Variants in WWC2 observed in about 807,000 individuals in gnomAD.
WWC2 encodes the protein WW and C2 domain containing 2.
A neutral mutation model predicts 138.5 loss-of-function variants in WWC2; 101 were observed. That is an observed-to-expected ratio of 0.73 (90% CI 0.62 to 0.86). The LOEUF (loss-of-function observed/expected upper bound fraction) is 0.86, where lower values mean the gene tolerates loss of function less well. Among genes scored for constraint, WWC2 ranks in the 40% least tolerant of loss-of-function variants. The pLI is 0.00. For missense variants in WWC2, 1,420 were observed against 1,419.4 expected (o/e 1.00, Z -0.01); for synonymous variants, 558 against 538.4 (o/e 1.04, Z -0.50).
intron 4 of WWC2, among the ~76,000 whole-genome samples, chr4:183,209,769 T>C: frequency 6.6e-6 from 1 of 152,232 alleles, no homozygotes; most frequent in Non-Finnish European, 1.5e-5. Flanking sequence ...TGAATCTTTT[T>C]AACTAAACTG....
chr4:183,209,616 G>A (rs1735542722), intron 4 of WWC2, among the ~76,000 whole-genome samples: 1 of 152,124 alleles, frequency 6.6e-6, no homozygotes, highest in African/African-American at 2.4e-5. Flanking sequence ...TCATTGTGCT[G>A]AGTTTTGTCC....
chr4:183,159,865 G>T (rs927629509), intron 1 of WWC2, among the ~76,000 whole-genome samples: 2 of 151,932 alleles, frequency 1.3e-5, no homozygotes, highest in African/African-American at 4.8e-5. Flanking sequence ...ACAGTGTAGG[G>T]ATCTGCTTTT....
chr4:183,264,660 A>T (rs546383371), intron 11 of WWC2, among the ~76,000 whole-genome samples: 1 of 152,272 alleles, frequency 6.6e-6, no homozygotes, highest in East Asian at 1.9e-4. Flanking sequence ...GAATATATGA[A>T]CACTGCAGTG....
At chr4:183,110,130 A>T (rs1228060505) in intron 1 of WWC2, among the ~76,000 whole-genome samples, 1 of 152,190 alleles carries the variant, frequency 6.6e-6, no homozygotes, top group Non-Finnish European at 1.5e-5. Flanking sequence ...GCTCAACCCC[A>T]GTCACTCAAT....
At position 183,286,040 on chromosome 4, in the gene WWC2, G is replaced by T. The variant is rs771412200; in HGVS notation, c.3122G>T (p.Arg1041Leu). The change falls in exon 20 of 23, where the codon CGC becomes CTC. Residue 1041 changes from arginine (R) to leucine (L), a missense_variant. Physicochemically the swap from Arg to Leu is moderately radical, Grantham distance 102 (BLOSUM62 -2). Coordinates refer to ENST00000403733, the MANE Select transcript of WWC2 (RefSeq NM_024949.6). Reference sequence around the variant, plus strand: ...TTTGTGAGAAACTCCACCGAACGCCGCAGTTTGAGGGTCAAAAGGGTATGT... The same window carrying T: ...TTTGTGAGAAACTCCACCGAACGCCTCAGTTTGAGGGTCAAAAGGGTATGT... ...SLFVRNSTER[R>L]SLRVKRTVCQ... 10 of 1,579,690 alleles carry T rather than the reference G, an allele frequency of 6.3e-6. No individual in the cohort carries two copies. The Admixed American group carries it at 1.3e-4, about 20-fold the overall frequency.
intron 4 of WWC2, among the ~76,000 whole-genome samples, chr4:183,221,588 CAG>C (rs1228064679): frequency 6.6e-6 from 1 of 152,144 alleles, no homozygotes; most frequent in South Asian, 2.1e-4. Context: ...ACATCATAAA[CAG>C]AAATATATCT....
chr4:183,261,503 C>T lies in WWC2; in HGVS notation c.1880C>T (p.Ala627Val), dbSNP rs957814104. ...LSEDKDLNECAREPLYEGTAD... is the reference protein window; with the variant it reads ...LSEDKDLNECVREPLYEGTAD... ...GAGGATAAAGACCTTAATGAATGTG[C>T]TAGGGAGCCATTATATGAAGGAACT... Residue 627 changes from alanine (A) to valine (V), a missense_variant, in exon 11 of 23, where the codon GCT becomes GTT. Physicochemically the swap from Ala to Val is moderately conservative, Grantham distance 64. Coordinates refer to ENST00000403733, the MANE Select transcript of WWC2 (RefSeq NM_024949.6). 14 of 1,612,368 alleles carry T rather than the reference C, an allele frequency of 8.7e-6. No homozygotes were observed. The highest frequency in any genetic ancestry group is 1.2e-5 in the Non-Finnish European group (14 of 1,179,250).
chr4:183,165,145 C>G (rs1055927442), intron 1 of WWC2, among the ~76,000 whole-genome samples: 5 of 151,912 alleles, frequency 3.3e-5, no homozygotes, highest in African/African-American at 1.2e-4. Flanking sequence ...CATGGTTGGG[C>G]AAAGTTGGTT....
At chr4:183,154,026 A>AAAAAACAAAAAAAC (rs1561438959) in intron 1 of WWC2, among the ~76,000 whole-genome samples, 2 of 145,596 alleles carry the variant, frequency 1.4e-5, no homozygotes, top group African/African-American at 5.5e-5. Context: ...AAAAAAAAAA[A>AAAAAACAAAAAAAC]AACCCCAAAT....
At chr4:183,165,202 C>G (rs2111151452) in intron 1 of WWC2, among the ~76,000 whole-genome samples, 1 of 152,146 alleles carries the variant, frequency 6.6e-6, no homozygotes, top group South Asian at 2.1e-4. Flanking sequence ...AGAAGAGGTA[C>G]AAGGGCCTCT....
At chr4:183,112,245 A>G (rs982210046) in intron 1 of WWC2, among the ~76,000 whole-genome samples, 1 of 152,214 alleles carries the variant, frequency 6.6e-6, no homozygotes, top group African/African-American at 2.4e-5. Context: ...ATGTAGATGC[A>G]TTCTTGAGAG....
At chr4:183,151,065 T>G (rs1013658586) in intron 1 of WWC2, among the ~76,000 whole-genome samples, 5 of 152,176 alleles carry the variant, frequency 3.3e-5, no homozygotes, top group African/African-American at 1.2e-4. Flanking sequence ...GTAATGAGAT[T>G]GCTGGGTCAA....
chr4:183,155,812 CA>C (rs1185327276), intron 1 of WWC2, among the ~76,000 whole-genome samples: 1 of 152,112 alleles, frequency 6.6e-6, no homozygotes, highest in Non-Finnish European at 1.5e-5. Flanking sequence ...GTCATTGAGC[CA>C]AGACACCCCT....
chr4:183,304,898 G>A (rs1021468862), intron 21 of WWC2, among the ~76,000 whole-genome samples: 3 of 152,130 alleles, frequency 2.0e-5, no homozygotes, highest in Non-Finnish European at 1.5e-5. Flanking sequence ...AGTTTAAAGA[G>A]GCAAAACAAG....
chr4:183,286,399 C>T (rs916336589), intron 20 of WWC2, among the ~76,000 whole-genome samples: 1 of 152,006 alleles, frequency 6.6e-6, no homozygotes, highest in African/African-American at 2.4e-5. Flanking sequence ...AGGTCTTGAG[C>T]GATTGTGGGA....
At chr4:183,134,235 A>C (rs1045391517) in intron 1 of WWC2, among the ~76,000 whole-genome samples, 1 of 151,072 alleles carries the variant, frequency 6.6e-6, no homozygotes. Flanking sequence ...GACATTGTTC[A>C]TCTTTTTTAT....
At chr4:183,204,482 G>C (rs1735388159) in intron 2 of WWC2, among the ~76,000 whole-genome samples, 1 of 152,164 alleles carries the variant, frequency 6.6e-6, no homozygotes, top group Admixed American at 6.5e-5. Context: ...TCCCTAACCA[G>C]TGCTCTTTTC....
chr4:183,240,771 G>A (rs1211204529), intron 5 of WWC2: 1 of 152,360 alleles, frequency 6.6e-6, no homozygotes, highest in Non-Finnish European at 1.5e-5. Context: ...AGGATTATTA[G>A]CAAAGGAGCG....
chr4:183,140,588 A>G (rs1048778527), intron 1 of WWC2, among the ~76,000 whole-genome samples: 1 of 152,214 alleles, frequency 6.6e-6, no homozygotes, highest in Admixed American at 6.5e-5. Context: ...AAACTATTAG[A>G]ACTTTTCAGT....
Sources: gnomAD v4.1 joint callset for allele counts (sites outside exome capture counted in the v4.1 genomes callset) on GRCh38, gnomAD v4.1.1 for gene constraint, MANE v1.5 for transcripts, NCBI Gene and HGNC (gene_info 2026-07-23, HGNC 2026-07-21) for gene names.